The following GRIK4 variants were observed in gnomAD, a reference collection of about 807,000 sequenced individuals.
GRIK4 encodes glutamate receptor ionotropic, kainate 4.
Under a neutral mutation model 104.9 loss-of-function variants are expected in GRIK4, and 40 were observed. The ratio of observed to expected loss-of-function variants is 0.38; its 90% CI spans 0.30 to 0.50. GRIK4 has a LOEUF of 0.50. Among genes scored for constraint, GRIK4 ranks in the 20% least tolerant of loss-of-function variants. The probability of loss-of-function intolerance (pLI) is 0.93; values close to 1 mark genes in which losing one functional copy is unlikely to be tolerated. For missense variants in GRIK4, 1,047 were observed against 1,308.1 expected (o/e 0.80, Z 3.08); for synonymous variants, 485 against 524.9 (o/e 0.92, Z 1.04).
chr11:120,606,755 G>A (rs1481611227), intron 1 of GRIK4, among the ~76,000 whole-genome samples: 9 of 152,198 alleles, frequency 5.9e-5, no homozygotes, highest in African/African-American at 9.7e-5. Flanking sequence ...TGATGGGGCC[G>A]TGGAAAGACT....
intron 6 of GRIK4, among the ~76,000 whole-genome samples, chr11:120,827,097 G>A (rs1225865371): frequency 6.6e-6 from 1 of 152,154 alleles, no homozygotes; most frequent in African/African-American, 2.4e-5. Flanking sequence ...GCTGGTCCAG[G>A]ACCAAGGCAC....
At chr11:120,651,844 A>G (rs1445632599) in intron 1 of GRIK4, among the ~76,000 whole-genome samples, 1 of 152,222 alleles carries the variant, frequency 6.6e-6, no homozygotes, top group Non-Finnish European at 1.5e-5. Flanking sequence ...ATTCAGCAAG[A>G]TGTGCAGGTG....
chr11:120,667,204 A>C (rs1949929306), intron 3 of GRIK4, among the ~76,000 whole-genome samples: 1 of 152,230 alleles, frequency 6.6e-6, no homozygotes, highest in Admixed American at 6.5e-5. Context: ...TTGTGTCCTC[A>C]TTAATAACCA....
Position 120,517,011 on chromosome 11 carries a change from G to A in GRIK4, c.-159+5124G>A, listed in dbSNP as rs1053750885. 1.0e-4 allele frequency among the ~76,000 whole-genome samples: 15 copies of A among 149,426 alleles called. 2 individuals are homozygous for A. The highest frequency in any genetic ancestry group is 2.0e-4 in the Admixed American group (3 of 15,100). ...CGGGGGCCAGCTTAAGGCATCTCGC[G>A]TGCCTCAGTCTCACCTCCCCAGCCT... On this transcript the variant is annotated intron_variant, in intron 1 of 20. Coordinates refer to ENST00000527524, the MANE Select transcript of GRIK4 (RefSeq NM_014619.5).
chr11:120,908,827 G>A (rs950339503), intron 13 of GRIK4, among the ~76,000 whole-genome samples: 1 of 152,318 alleles, frequency 6.6e-6, no homozygotes, highest in Non-Finnish European at 1.5e-5. Flanking sequence ...TAGGCTGTGC[G>A]CCCAGACCCT....
chr11:120,566,246 G>C (rs1343502745), intron 1 of GRIK4, among the ~76,000 whole-genome samples: 7 of 152,188 alleles, frequency 4.6e-5, no homozygotes, highest in African/African-American at 1.7e-4. Flanking sequence ...GAGATCTTCT[G>C]ATCTAGGCAA....
intron 1 of GRIK4, among the ~76,000 whole-genome samples, chr11:120,553,878 C>G (rs551436178): frequency 6.6e-6 from 1 of 152,130 alleles, no homozygotes; most frequent in South Asian, 2.1e-4. Flanking sequence ...TGGAGGGGGA[C>G]AGAGGAGGAC....
In GRIK4 at chr11:120,836,781, C is replaced by A. The variant is rs373226826; in HGVS notation, c.691-10C>A. 1 of 1,590,926 alleles carries A rather than the reference C, an allele frequency of 6.3e-7. No individual in the cohort carries two copies. The highest frequency in any genetic ancestry group is 8.6e-7 in the Non-Finnish European group (1 of 1,158,802). ...TTTTCTTCTCTAATCTCCTTCTCTT[C>A]GCCTTGCAGGCAGCCGAACTTGGGA... On this transcript the variant is annotated splice_polypyrimidine_tract_variant and intron_variant, in intron 7 of 20. Coordinates refer to ENST00000527524, the MANE Select transcript of GRIK4 (RefSeq NM_014619.5).
Position 120,611,757 on chromosome 11 carries a change from C to T in GRIK4, c.-158-41928C>T, listed in dbSNP as rs139000650. 3.3e-3 allele frequency among the ~76,000 whole-genome samples: 503 copies of T among 152,290 alleles called. 3 individuals are homozygous for T. Among genetic ancestry groups the T allele is most frequent in the African/African-American group, 0.012 (485 of 41,558 alleles). On this transcript the variant is annotated intron_variant, in intron 1 of 20. Transcript: ENST00000527524. ...CATCTGCCTATAAGCTCGGTGGGGG[C>T]GGAGACTGTGCCTCCTCCCTTCCCC...
chr11:120,515,457 G>A (rs561068439), intron 1 of GRIK4, among the ~76,000 whole-genome samples: 8 of 152,176 alleles, frequency 5.3e-5, no homozygotes, highest in Admixed American at 2.0e-4. Flanking sequence ...AGTGTGACTC[G>A]TCCAGTGTGA....
intron 1 of GRIK4, among the ~76,000 whole-genome samples, chr11:120,558,733 A>G (rs1414509142): frequency 6.6e-6 from 1 of 152,242 alleles, no homozygotes; most frequent in Non-Finnish European, 1.5e-5. Context: ...AGTAGATTAT[A>G]TACAAGTGAC....
At position 120,903,530 on chromosome 11, in the gene GRIK4, T is replaced by C. The variant is rs1942796284; in HGVS notation, c.1273-1760T>C. 6.6e-6 allele frequency among the ~76,000 whole-genome samples: 1 copy of C among 152,060 alleles called. No homozygotes were observed. Among genetic ancestry groups the C allele is most frequent in the Admixed American group, 6.6e-5 (1 of 15,262 alleles). Reference sequence around the variant, plus strand: ...GGTTCTTTCCTCCTCTTTTCTCCCCTTTTCCAGGGATTTTCCCTTCCTGCC... The same window carrying C: ...GGTTCTTTCCTCCTCTTTTCTCCCCCTTTCCAGGGATTTTCCCTTCCTGCC... On this transcript the variant is annotated intron_variant, in intron 12 of 20. Transcript: ENST00000527524. This position sits in a 1 kb window ranked among gnomAD's most constrained non-coding sequence, Gnocchi z 4.4.
chr11:120,829,048 A>G (rs1953351603), intron 6 of GRIK4, among the ~76,000 whole-genome samples: 1 of 152,144 alleles, frequency 6.6e-6, no homozygotes, highest in African/African-American at 2.4e-5. Flanking sequence ...TGCCTGTCTG[A>G]AGAATCCCAG....
chr11:120,935,356 G>A (rs918581181), intron 13 of GRIK4, among the ~76,000 whole-genome samples: 4 of 151,626 alleles, frequency 2.6e-5, no homozygotes, highest in Admixed American at 2.6e-4. Flanking sequence ...TTCGAGACCA[G>A]CCTGGCCAAC....
At chr11:120,562,572 G>T (rs1389189710) in intron 1 of GRIK4, among the ~76,000 whole-genome samples, 1 of 152,184 alleles carries the variant, frequency 6.6e-6, no homozygotes, top group East Asian at 1.9e-4. Context: ...ACACACAGAA[G>T]TAAGTGAGGA....
chr11:120,665,690 A>T (rs936662256), intron 3 of GRIK4, among the ~76,000 whole-genome samples: 1 of 152,236 alleles, frequency 6.6e-6, no homozygotes, highest in African/African-American at 2.4e-5. Flanking sequence ...TTGTCAGCCC[A>T]TAAAATACAT....
intron 1 of GRIK4, among the ~76,000 whole-genome samples, chr11:120,597,991 G>T (rs983111602): frequency 6.6e-6 from 1 of 152,164 alleles, no homozygotes; most frequent in Non-Finnish European, 1.5e-5. Flanking sequence ...TGGATGAAAC[G>T]TCTCTTTCCT....
chr11:120,541,797 AC>A (rs1211926635), intron 1 of GRIK4, among the ~76,000 whole-genome samples: 1 of 152,190 alleles, frequency 6.6e-6, no homozygotes, highest in Non-Finnish European at 1.5e-5. Flanking sequence ...CCAAAAAAAT[AC>A]CCTTGAGAAG....
chr11:120,631,483 G>C (rs1196535985), intron 1 of GRIK4, among the ~76,000 whole-genome samples: 3 of 152,178 alleles, frequency 2.0e-5, no homozygotes, highest in Non-Finnish European at 1.5e-5. Flanking sequence ...AGGCCTCCGA[G>C]TCGATGGGAG....
Sources: gnomAD v4.1 joint callset for allele counts (sites outside exome capture counted in the v4.1 genomes callset) on GRCh38, gnomAD v4.1.1 for gene constraint, Gnocchi (gnomAD v3.1) non-coding constraint, MANE v1.5 for transcripts, NCBI Gene and HGNC (gene_info 2026-07-23, HGNC 2026-07-21) for gene names.